The following HPSE2 variants were observed in gnomAD, a reference collection of about 807,000 sequenced individuals.
The protein encoded by HPSE2 is inactive heparanase-2.
In HPSE2, 38 loss-of-function variants were observed where a neutral mutation model predicts 60.5. The observed-to-expected ratio is 0.63, with a 90% CI of 0.48 to 0.82. The LOEUF is 0.82. Ranked by LOEUF, HPSE2 falls within the 40% of genes least tolerant of loss-of-function variation. The pLI, the probability that HPSE2 is intolerant of heterozygous loss-of-function variation, is 0.00. For missense variants in HPSE2, 713 were observed against 740.4 expected (o/e 0.96, Z 0.43); for synonymous variants, 295 against 293.2 (o/e 1.01, Z -0.06).
chr10:99,201,900 C>G lies in HPSE2; in HGVS notation c.448+30448G>C, dbSNP rs1484716075. On this transcript the variant is annotated intron_variant, in intron 2 of 11. Transcript: ENST00000370552. ...AACCAAAATGGCCAGAAGATGAACA[C>G]GACGCCATACTCCATGGTGGTAACT... Among the ~76,000 whole-genome samples the G allele has an allele frequency of 1.3e-5, 2 of 152,226 alleles. 1 individual carries two copies. Among genetic ancestry groups the G allele is most frequent in the South Asian group, 4.1e-4 (2 of 4,824 alleles).
chr10:99,088,319 A>G (rs1843396348), intron 3 of HPSE2, among the ~76,000 whole-genome samples: 1 of 152,142 alleles, frequency 6.6e-6, no homozygotes, highest in South Asian at 2.1e-4. Flanking sequence ...ACCAAGCAGT[A>G]TACATTGTAG....
intron 3 of HPSE2, among the ~76,000 whole-genome samples, chr10:98,905,570 G>A (rs942617376): frequency 2.0e-5 from 3 of 152,036 alleles, no homozygotes; most frequent in Admixed American, 1.3e-4. Flanking sequence ...CAGCCTATAG[G>A]TATGGATATA....
Position 99,220,655 on chromosome 10 carries a change from T to C in HPSE2, c.448+11693A>G, listed in dbSNP as rs573026266. Among the ~76,000 whole-genome samples the C allele has an allele frequency of 6.6e-5, 10 of 151,784 alleles. No individual in the cohort carries two copies. In the East Asian group the frequency reaches 1.8e-3, roughly 27 times the overall value. On this transcript the variant is annotated intron_variant, in intron 2 of 11. Transcript: ENST00000370552. ...CTGTCTCCACTAAAAATACAAAAAT[T>C]ATCTGGGCGTGGTGGCGCATGCCTG... is the stretch of plus-strand genomic sequence containing the variant.
At position 98,859,279 on chromosome 10, in the gene HPSE2, C is replaced by T. The variant is rs544402543; in HGVS notation, c.611-115223G>A. On this transcript the variant is annotated intron_variant, in intron 3 of 11. Coordinates refer to ENST00000370552, the MANE Select transcript of HPSE2 (RefSeq NM_021828.5). ...AGCCTTAAATATACACACACATATA[C>T]ACTATCTGGCCCTTTACATTAAAAG... Among the ~76,000 whole-genome samples the T allele has an allele frequency of 2.6e-5, 4 of 152,266 alleles. No individual in the cohort carries two copies. The South Asian group carries it at 8.3e-4, about 32-fold the overall frequency.
intron 3 of HPSE2, among the ~76,000 whole-genome samples, chr10:98,966,239 G>A (rs1186203258): frequency 1.3e-5 from 2 of 152,180 alleles, no homozygotes; most frequent in Non-Finnish European, 2.9e-5. Context: ...TTTAAAGGAT[G>A]AGTAGAAAGT....
chr10:98,834,775 G>C (rs1412535717), intron 3 of HPSE2, among the ~76,000 whole-genome samples: 4 of 152,088 alleles, frequency 2.6e-5, no homozygotes, highest in Non-Finnish European at 5.9e-5. Context: ...GCAACAGATT[G>C]AATGTAAAAG....
intron 7 of HPSE2, among the ~76,000 whole-genome samples, chr10:98,628,025 G>A (rs1357180068): frequency 1.3e-5 from 2 of 152,192 alleles, no homozygotes; most frequent in Admixed American, 6.5e-5. Flanking sequence ...AATATACACA[G>A]TGAGGAACAA....
At chr10:99,054,421 T>G (rs1297105863) in intron 3 of HPSE2, among the ~76,000 whole-genome samples, 1 of 152,122 alleles carries the variant, frequency 6.6e-6, no homozygotes, top group African/African-American at 2.4e-5. Flanking sequence ...AAAGCCAAGC[T>G]CTAGTTTAGA....
At chr10:99,314,884 C>G in the HPSE2 span, among the ~76,000 whole-genome samples, 3 of 152,126 alleles carry the variant, frequency 2.0e-5, no homozygotes, top group African/African-American at 7.2e-5. Flanking sequence ...TTTAAAATTA[C>G]GTTTAATTAT....
intron 3 of HPSE2, among the ~76,000 whole-genome samples, chr10:98,939,416 A>G (rs987339387): frequency 1.4e-5 from 2 of 143,578 alleles, no homozygotes; most frequent in African/African-American, 2.8e-5. Context: ...AAACAAAAAA[A>G]GGCAGGGGTT....
chr10:98,959,763 A>T (rs1955603409), intron 3 of HPSE2, among the ~76,000 whole-genome samples: 1 of 152,116 alleles, frequency 6.6e-6, no homozygotes, highest in Non-Finnish European at 1.5e-5. Flanking sequence ...ATGTAGAGAC[A>T]ACTAGAAAGA....
intron 3 of HPSE2, among the ~76,000 whole-genome samples, chr10:98,892,780 G>GA (rs1476838539): frequency 6.6e-6 from 1 of 152,188 alleles, no homozygotes; most frequent in African/African-American, 2.4e-5. Context: ...CAAGAATTGT[G>GA]ACTAACTTCT....
intron 3 of HPSE2, among the ~76,000 whole-genome samples, chr10:98,790,466 G>T (rs185654031): frequency 2.0e-5 from 3 of 152,258 alleles, no homozygotes; most frequent in African/African-American, 7.2e-5. Flanking sequence ...AATTAGAAAG[G>T]AGGTTACCAG....
intron 3 of HPSE2, among the ~76,000 whole-genome samples, chr10:99,135,225 C>A (rs1845600044): frequency 6.8e-6 from 1 of 147,638 alleles, no homozygotes; most frequent in Non-Finnish European, 1.5e-5. Context: ...TAGAGACCTA[C>A]AAAGAGATGT....
intron 10 of HPSE2, among the ~76,000 whole-genome samples, chr10:98,486,975 T>A (rs1488630228): frequency 1.3e-5 from 2 of 152,182 alleles, no homozygotes; most frequent in Non-Finnish European, 2.9e-5. Context: ...TATGAGTCTT[T>A]AAAAAAACTT....
intron 9 of HPSE2, among the ~76,000 whole-genome samples, chr10:98,614,514 G>A (rs537525993): frequency 2.6e-5 from 4 of 152,160 alleles, no homozygotes; most frequent in African/African-American, 9.6e-5. Context: ...GGATGGGCTC[G>A]ATCTCCTGAC....
At chr10:98,559,822 G>A (rs1189393978) in intron 9 of HPSE2, among the ~76,000 whole-genome samples, 1 of 152,180 alleles carries the variant, frequency 6.6e-6, no homozygotes. Context: ...GGGTTCTGGA[G>A]AGGCCTTGTG....
chr10:98,477,428 A>C (rs1941066204), intron 11 of HPSE2, among the ~76,000 whole-genome samples: 1 of 152,166 alleles, frequency 6.6e-6, no homozygotes, highest in African/African-American at 2.4e-5. Context: ...ATCACCTCCC[A>C]GTGTCACTCC....
At chr10:98,575,062 A>G (rs993509422) in intron 9 of HPSE2, among the ~76,000 whole-genome samples, 1 of 152,170 alleles carries the variant, frequency 6.6e-6, no homozygotes, top group African/African-American at 2.4e-5. Flanking sequence ...TGATCCCACA[A>G]CCAACCACTG....
Sources: allele counts gnomAD v4.1 joint callset (sites outside exome capture counted in the v4.1 genomes callset), GRCh38; gene constraint gnomAD v4.1.1; transcripts MANE v1.5; gene names NCBI Gene and HGNC (gene_info 2026-07-23, HGNC 2026-07-21).